PRELID2: variants seen among roughly 807,000 people sequenced by gnomAD.
PRELID2 encodes the protein PRELI domain-containing protein 2.
PRELID2 carries 25 observed loss-of-function variants against 28.4 expected under a neutral mutation model. That is an observed-to-expected ratio of 0.88 (90% CI 0.64 to 1.23). The LOEUF is 1.23. Among genes scored for constraint, PRELID2 ranks in the 50% most tolerant of loss-of-function variants. The pLI is 0.00. For missense variants in PRELID2, 201 were observed against 214.4 expected (o/e 0.94, Z 0.39); for synonymous variants, 76 against 71.6 (o/e 1.06, Z -0.31).
chr5:145,417,165 C>G, the PRELID2 span, among the ~76,000 whole-genome samples: 1 of 151,994 alleles, frequency 6.6e-6, no homozygotes, highest in Non-Finnish European at 1.5e-5. Flanking sequence ...GGATAAATTC[C>G]TAGACACATA....
At chr5:145,445,975 A>T in the PRELID2 span, among the ~76,000 whole-genome samples, 2 of 152,096 alleles carry the variant, frequency 1.3e-5, no homozygotes, top group South Asian at 4.1e-4. Flanking sequence ...AGAAGCTGAG[A>T]AGGGTGAGGG....
intron 1 of PRELID2, chr5:145,834,786 A>T (rs1418096290): frequency 5.6e-6 from 1 of 178,744 alleles, no homozygotes; most frequent in African/African-American, 2.3e-5. Context: ...CGGATGGGGC[A>T]GCAGAACCAT....
chr5:145,296,199 T>A, the PRELID2 span, among the ~76,000 whole-genome samples: 8 of 151,748 alleles, frequency 5.3e-5, no homozygotes, highest in South Asian at 2.1e-4. Context: ...TTTTATTTTA[T>A]TATTATTATA....
At chr5:145,299,501 C>T in the PRELID2 span, among the ~76,000 whole-genome samples, 1 of 151,862 alleles carries the variant, frequency 6.6e-6, no homozygotes, top group African/African-American at 2.4e-5. Context: ...TTCCTCATTC[C>T]ATGGTTATTG....
intron 1 of PRELID2, among the ~76,000 whole-genome samples, chr5:145,617,455 T>A (rs905401146): frequency 6.6e-6 from 1 of 152,342 alleles, no homozygotes. Context: ...TCTTCTGCCA[T>A]GGCTTCAGCT....
At chr5:145,559,351 T>C (rs1394012308) in intron 1 of PRELID2, among the ~76,000 whole-genome samples, 1 of 151,612 alleles carries the variant, frequency 6.6e-6, no homozygotes, top group East Asian at 1.9e-4. Flanking sequence ...TTAAGTAAAA[T>C]GCTATGGGGC....
At chr5:145,407,488 C>G in the PRELID2 span, among the ~76,000 whole-genome samples, 1 of 152,100 alleles carries the variant, frequency 6.6e-6, no homozygotes, top group African/African-American at 2.4e-5. Context: ...TCAGACATGC[C>G]TAACCCTGCC....
chr5:145,817,415 C>A (rs1754425935), intron 4 of PRELID2, among the ~76,000 whole-genome samples: 5 of 38,290 alleles, frequency 1.3e-4, no homozygotes, highest in African/African-American at 1.5e-4. Flanking sequence ...AAGGAATAAG[C>A]TAGTTTTATA....
intron 1 of PRELID2, among the ~76,000 whole-genome samples, chr5:145,559,158 G>A: frequency 6.6e-6 from 1 of 152,174 alleles, no homozygotes; most frequent in South Asian, 2.1e-4. Flanking sequence ...AGGAGGCTGA[G>A]GCAGGAGAAT....
At chr5:145,787,440 CG>C (rs1305190700) in intron 5 of PRELID2, among the ~76,000 whole-genome samples, 18 of 152,016 alleles carry the variant, frequency 1.2e-4, no homozygotes, top group African/African-American at 4.1e-4. Flanking sequence ...TCACTTCACA[CG>C]GAAGATGTCA....
intron 1 of PRELID2, among the ~76,000 whole-genome samples, chr5:145,651,117 G>T (rs980323309): frequency 4.6e-5 from 7 of 152,142 alleles, no homozygotes; most frequent in Non-Finnish European, 8.8e-5. Context: ...GATATCCCAC[G>T]CCTGGCTCAG....
At chr5:145,835,013 AG>A in intron 1 of PRELID2, 163 bp downstream of exon 1, 1 of 551,864 alleles carries the variant, frequency 1.8e-6, no homozygotes. Flanking sequence ...CTCCCTGTAA[AG>A]GGAGTCTTCG....
At chr5:145,507,406 G>A in intron 1 of PRELID2, among the ~76,000 whole-genome samples, 1 of 152,170 alleles carries the variant, frequency 6.6e-6, no homozygotes, top group East Asian at 1.9e-4. Flanking sequence ...ACACTTCCCT[G>A]AAGTTGGAGA....
At chr5:145,566,023 G>A (rs1198549273) in intron 1 of PRELID2, among the ~76,000 whole-genome samples, 2 of 152,198 alleles carry the variant, frequency 1.3e-5, no homozygotes, top group African/African-American at 4.8e-5. Context: ...ACTAAGAAGT[G>A]GATTACTCCT....
the PRELID2 span, among the ~76,000 whole-genome samples, chr5:145,430,948 C>CCCAAG: frequency 6.6e-6 from 1 of 150,582 alleles, no homozygotes; most frequent in Non-Finnish European, 1.5e-5. Context: ...AATATAGATA[C>CCCAAG]CCAAGCCCCA....
chr5:145,388,169 A>C, the PRELID2 span, among the ~76,000 whole-genome samples: 1 of 152,160 alleles, frequency 6.6e-6, no homozygotes, highest in African/African-American at 2.4e-5. Context: ...TGTTTGAAAA[A>C]TGGGGTAAAA....
chr5:145,650,658 AG>A (rs1337701903), intron 1 of PRELID2, among the ~76,000 whole-genome samples: 6 of 148,276 alleles, frequency 4.0e-5, no homozygotes, highest in Non-Finnish European at 8.9e-5. Context: ...AGAAAAAAAA[AG>A]TAATTTTACT....
downstream of PRELID2, among the ~76,000 whole-genome samples, chr5:145,467,580 G>C (rs1328079549): frequency 6.6e-6 from 1 of 152,098 alleles, no homozygotes; most frequent in Non-Finnish European, 1.5e-5. Flanking sequence ...ACCGTGCAAA[G>C]TACTTTACAT....
chr5:145,431,629 T>C, the PRELID2 span, among the ~76,000 whole-genome samples: 1 of 152,168 alleles, frequency 6.6e-6, no homozygotes, highest in Admixed American at 6.6e-5. Flanking sequence ...GCCAAAAATG[T>C]ACAACTTCAA....
Sources: allele counts gnomAD v4.1 joint callset (sites outside exome capture counted in the v4.1 genomes callset), GRCh38; gene constraint gnomAD v4.1.1; transcripts MANE v1.5; gene names NCBI Gene and HGNC (gene_info 2026-07-23, HGNC 2026-07-21).